Variants in DCDC2 observed in about 807,000 individuals in gnomAD.
The protein encoded by DCDC2 is doublecortin domain-containing protein 2.
A neutral mutation model predicts 50.2 loss-of-function variants in DCDC2; 40 were observed. The ratio of observed to expected loss-of-function variants is 0.80; its 90% CI spans 0.62 to 1.04. The LOEUF (loss-of-function observed/expected upper bound fraction) is 1.04. DCDC2 is among the 50% of genes least tolerant of loss of function. The pLI, the probability that DCDC2 is intolerant of heterozygous loss-of-function variation, is 0.00. For missense variants in DCDC2, 570 were observed against 581.9 expected, an observed-to-expected ratio of 0.98 and a Z score of 0.21; for synonymous variants, 234 against 210.6, an observed-to-expected ratio of 1.11 and a Z score of -0.96.
intron 7 of DCDC2, among the ~76,000 whole-genome samples, chr6:24,210,071 TCTGC>T (rs1270490925): frequency 0.022 from 3,128 of 140,890 alleles, 104 homozygotes; most frequent in African/African-American, 0.077. Context: ...TGTCTGTCTG[TCTGC>T]CTGCCTGCCT....
chr6:24,220,596 A>G (rs1458455330), intron 7 of DCDC2, among the ~76,000 whole-genome samples: 6 of 152,244 alleles, frequency 3.9e-5, no homozygotes, highest in Non-Finnish European at 7.3e-5. Flanking sequence ...CAAATACAGT[A>G]TATGTGAGTA....
intron 7 of DCDC2, among the ~76,000 whole-genome samples, chr6:24,265,714 T>A (rs1763103189): frequency 6.7e-6 from 1 of 150,132 alleles, no homozygotes; most frequent in Non-Finnish European, 1.5e-5. Context: ...TGCAAACAAA[T>A]GAAAATGGAA....
the DCDC2 span, among the ~76,000 whole-genome samples, chr6:24,369,393 G>C: frequency 1.3e-5 from 2 of 151,976 alleles, no homozygotes; most frequent in African/African-American, 4.8e-5. Context: ...CAGATCACCT[G>C]AGGTCAGGAG....
intron 8 of DCDC2, among the ~76,000 whole-genome samples, chr6:24,204,253 A>G (rs1333952304): frequency 6.6e-6 from 1 of 152,186 alleles, no homozygotes; most frequent in East Asian, 1.9e-4. Context: ...CCCATCAATG[A>G]TAGACTGGAT....
At chr6:24,351,562 C>T (rs907173146) in intron 2 of DCDC2, among the ~76,000 whole-genome samples, 5 of 152,114 alleles carry the variant, frequency 3.3e-5, no homozygotes, top group African/African-American at 1.2e-4. Context: ...CACAGCAGGG[C>T]AGCAAGAGGA....
chr6:24,309,317 A>G (rs551945649), intron 2 of DCDC2, among the ~76,000 whole-genome samples: 8 of 151,040 alleles, frequency 5.3e-5, no homozygotes, highest in Non-Finnish European at 1.0e-4. Flanking sequence ...ACAGTGCAAG[A>G]CTCCATCTCA....
the DCDC2 span, among the ~76,000 whole-genome samples, chr6:24,369,889 A>G: frequency 6.6e-6 from 1 of 151,656 alleles, no homozygotes; most frequent in Non-Finnish European, 1.5e-5. Flanking sequence ...AAATTACAAA[A>G]AAAATAGCCG....
intron 2 of DCDC2, among the ~76,000 whole-genome samples, chr6:24,337,894 T>C (rs1014678353): frequency 7.2e-5 from 11 of 152,124 alleles, no homozygotes; most frequent in African/African-American, 2.7e-4. Flanking sequence ...ATATATTTTA[T>C]CCTTCTTATC....
At chr6:24,257,378 C>T (rs1762916055) in intron 7 of DCDC2, among the ~76,000 whole-genome samples, 1 of 152,078 alleles carries the variant, frequency 6.6e-6, no homozygotes, top group Non-Finnish European at 1.5e-5. Flanking sequence ...CAATAATAAG[C>T]AGGAGTCCTG....
At chr6:24,264,618 A>G (rs1763078927) in intron 7 of DCDC2, among the ~76,000 whole-genome samples, 1 of 152,138 alleles carries the variant, frequency 6.6e-6, no homozygotes, top group Non-Finnish European at 1.5e-5. Flanking sequence ...GTCAAAAAAA[A>G]ACTACAACAG....
chr6:24,290,142 C>G (rs963120719), intron 5 of DCDC2, among the ~76,000 whole-genome samples: 4 of 150,412 alleles, frequency 2.7e-5, no homozygotes, highest in Non-Finnish European at 5.9e-5. Flanking sequence ...TACAGGCGCC[C>G]GCCACTACGC....
chr6:24,358,899 A>ATT (rs1561788477), upstream of DCDC2, among the ~76,000 whole-genome samples: 50 of 21,492 alleles, frequency 2.3e-3, 2 homozygotes, highest in African/African-American at 9.0e-3. Context: ...TTATATATAT[A>ATT]ATATATTATA....
At chr6:24,347,207 C>T (rs1316079210) in intron 2 of DCDC2, among the ~76,000 whole-genome samples, 1 of 152,202 alleles carries the variant, frequency 6.6e-6, no homozygotes, top group Non-Finnish European at 1.5e-5. Context: ...CCCCTAAATA[C>T]AGCTCTTGAA....
At position 24,317,090 on chromosome 6, in the gene DCDC2, T is replaced by C. The variant is rs1759685187; in HGVS notation, c.349-15046A>G. Among the ~76,000 whole-genome samples, 3 of 149,750 alleles carry C rather than the reference T, an allele frequency of 2.0e-5. No individual in the cohort carries two copies. In the South Asian group the frequency reaches 6.2e-4, roughly 31 times the overall value. On this transcript the variant is annotated intron_variant, in intron 2 of 9. Coordinates refer to ENST00000378454, the MANE Select transcript of DCDC2 (RefSeq NM_016356.5). Reference sequence around the variant, plus strand: ...ATATATGCACACATACATGCATACATCTGTATTTACAGATGTATGTATGGA... The same window carrying C: ...ATATATGCACACATACATGCATACACCTGTATTTACAGATGTATGTATGGA...
intron 2 of DCDC2, among the ~76,000 whole-genome samples, chr6:24,346,389 C>A (rs370455166): frequency 6.6e-6 from 1 of 152,088 alleles, no homozygotes; most frequent in East Asian, 1.9e-4. Context: ...GGAAGTACAA[C>A]ATCATGTAGA....
intron 8 of DCDC2, among the ~76,000 whole-genome samples, chr6:24,200,281 C>T (rs377214835): frequency 4.6e-5 from 7 of 152,124 alleles, no homozygotes; most frequent in South Asian, 2.1e-4. Context: ...TGATCCACAA[C>T]GGGAAGTCCA....
chr6:24,326,166 AAAGG>A (rs143866897), intron 2 of DCDC2, among the ~76,000 whole-genome samples: 2,090 of 127,210 alleles, frequency 0.016, 69 homozygotes, highest in African/African-American at 0.052. Context: ...GAGAGGAAGG[AAAGG>A]AAGGAAGGAA....
chr6:24,276,270 G>A (rs1007006617), intron 7 of DCDC2, among the ~76,000 whole-genome samples: 4 of 152,106 alleles, frequency 2.6e-5, no homozygotes, highest in Non-Finnish European at 4.4e-5. Flanking sequence ...AACCTGAAAA[G>A]ATGATCATTC....
At chr6:24,280,296 T>C (rs946938707) in intron 6 of DCDC2, among the ~76,000 whole-genome samples, 22 of 152,168 alleles carry the variant, frequency 1.4e-4, no homozygotes, top group African/African-American at 5.1e-4. Context: ...TTTTGTGTAA[T>C]TTAATTTCCT....
Sources: gnomAD v4.1 joint callset for allele counts (sites outside exome capture counted in the v4.1 genomes callset) on GRCh38, gnomAD v4.1.1 for gene constraint, MANE v1.5 for transcripts, NCBI Gene and HGNC (gene_info 2026-07-23, HGNC 2026-07-21) for gene names.